Variants in ACOXL observed in about 807,000 individuals in gnomAD.
ACOXL encodes the protein acyl-CoA oxidase like.
ACOXL carries 70 observed loss-of-function variants against 71.9 expected under a neutral mutation model. The observed-to-expected ratio is 0.97, with a 90% CI of 0.80 to 1.19. The LOEUF (loss-of-function observed/expected upper bound fraction) is 1.19, where lower values mean the gene tolerates loss of function less well. Ranked by LOEUF, ACOXL falls within the 50% of genes most tolerant of loss-of-function variation. The pLI, the probability that ACOXL is intolerant of heterozygous loss-of-function variation, is 0.00. For missense variants in ACOXL, 703 were observed against 736.3 expected (o/e 0.95, Z 0.52); for synonymous variants, 253 against 281.6 (o/e 0.90, Z 1.02).
chr2:111,089,617 C>G (rs2068412928), intron 16 of ACOXL, among the ~76,000 whole-genome samples: 1 of 152,084 alleles, frequency 6.6e-6, no homozygotes. Context: ...TAAAATCATT[C>G]CCTTAGGGAT....
chr2:110,972,156 A>G (rs1257461422), intron 12 of ACOXL, among the ~76,000 whole-genome samples: 3 of 152,208 alleles, frequency 2.0e-5, no homozygotes, highest in African/African-American at 4.8e-5. Flanking sequence ...AACCATGAAC[A>G]GCAGGAACGT....
chr2:110,862,057 GCTGACATA>G (rs1275195718), intron 10 of ACOXL, among the ~76,000 whole-genome samples: 3 of 152,212 alleles, frequency 2.0e-5, no homozygotes, highest in Admixed American at 2.0e-4. Context: ...TTCTGTGGTT[GCTGACATA>G]GCTGCAATGC....
chr2:110,827,502 G>A (rs900735884), intron 9 of ACOXL, among the ~76,000 whole-genome samples: 19 of 152,198 alleles, frequency 1.2e-4, no homozygotes, highest in African/African-American at 4.6e-4. Context: ...AGGTGAGGTG[G>A]CCTTAGAGTC....
chr2:111,049,222 C>T lies in ACOXL; in HGVS notation c.1374C>T (p.Thr458=), dbSNP rs781443846. Residue 458 remains threonine (T), a synonymous_variant, in exon 16 of 18, where the codon ACC becomes ACT. Transcript: ENST00000439055. ...SLSLAHTHRV[T]LEQFSLAVKS... ...TTTCCATTTCTTCCCTTCCAGTTACCTTAGAGCAGTTCTCCCTAGCAGTGA... is the reference window on the plus strand; with the variant it reads ...TTTCCATTTCTTCCCTTCCAGTTACTTTAGAGCAGTTCTCCCTAGCAGTGA... 6.2e-7 allele frequency: 1 copy of T among 1,610,392 alleles called. No individual in the cohort carries two copies. Among genetic ancestry groups the T allele is most frequent in the East Asian group, 2.2e-5 (1 of 44,866 alleles).
At chr2:111,044,622 A>G (rs1335843925) in intron 15 of ACOXL, among the ~76,000 whole-genome samples, 1 of 152,218 alleles carries the variant, frequency 6.6e-6, no homozygotes, top group African/African-American at 2.4e-5. Context: ...CTGACCAGCA[A>G]TATTTCAAGA....
intron 10 of ACOXL, among the ~76,000 whole-genome samples, chr2:110,906,738 C>T (rs2059465815): frequency 1.3e-5 from 2 of 152,182 alleles, no homozygotes; most frequent in Non-Finnish European, 2.9e-5. Context: ...GCCCAAGGCT[C>T]TCTCTGCACG....
At chr2:110,897,823 T>C (rs1301441996) in intron 10 of ACOXL, among the ~76,000 whole-genome samples, 1 of 152,118 alleles carries the variant, frequency 6.6e-6, no homozygotes, top group East Asian at 1.9e-4. Context: ...TTGAAAAGAT[T>C]AATAAAATTG....
intron 16 of ACOXL, among the ~76,000 whole-genome samples, chr2:111,054,741 A>G (rs1353511178): frequency 6.6e-6 from 1 of 152,116 alleles, no homozygotes; most frequent in Non-Finnish European, 1.5e-5. Context: ...ACACATTTGA[A>G]TCCTCCTGGC....
At chr2:111,042,877 G>A (rs953526007) in intron 15 of ACOXL, among the ~76,000 whole-genome samples, 1 of 152,188 alleles carries the variant, frequency 6.6e-6, no homozygotes, top group African/African-American at 2.4e-5. Flanking sequence ...GATGTGACCA[G>A]CAAGCCAGAG....
intron 10 of ACOXL, among the ~76,000 whole-genome samples, chr2:110,889,190 C>T (rs187049660): frequency 1.4e-4 from 21 of 152,298 alleles, no homozygotes; most frequent in Admixed American, 1.1e-3. Flanking sequence ...ATTTACCACA[C>T]GAGTGCACAA....
intron 14 of ACOXL, among the ~76,000 whole-genome samples, chr2:111,006,180 C>G (rs2063863275): frequency 6.6e-6 from 1 of 152,216 alleles, no homozygotes; most frequent in Non-Finnish European, 1.5e-5. Context: ...TGGAGGGGCT[C>G]TCTTTGTATC....
intron 15 of ACOXL, among the ~76,000 whole-genome samples, chr2:111,043,553 C>T (rs1047492265): frequency 6.6e-6 from 1 of 152,086 alleles, no homozygotes; most frequent in Non-Finnish European, 1.5e-5. Context: ...TGTCCCACCT[C>T]GTGGTGCGGT....
chr2:110,759,667 T>C (rs189534621), intron 1 of ACOXL, among the ~76,000 whole-genome samples: 2 of 152,222 alleles, frequency 1.3e-5, no homozygotes, highest in African/African-American at 4.8e-5. Flanking sequence ...GCAAAGATCA[T>C]ACTTCCATGG....
chr2:110,808,575 C>G (rs1008145309), intron 9 of ACOXL, among the ~76,000 whole-genome samples: 1 of 152,194 alleles, frequency 6.6e-6, no homozygotes, highest in African/African-American at 2.4e-5. Flanking sequence ...TGTACCCCCT[C>G]TCTCCACTGG....
intron 12 of ACOXL, among the ~76,000 whole-genome samples, chr2:110,974,003 C>T (rs2062333680): frequency 6.6e-6 from 1 of 152,196 alleles, no homozygotes; most frequent in African/African-American, 2.4e-5. Context: ...TGCCAGGTGA[C>T]TGCCCTGCGT....
At chr2:110,946,712 G>C (rs1310916183) in intron 12 of ACOXL, among the ~76,000 whole-genome samples, 1 of 152,194 alleles carries the variant, frequency 6.6e-6, no homozygotes, top group Non-Finnish European at 1.5e-5. Flanking sequence ...CCAAGCCTCA[G>C]TTTCCAGGTG....
intron 16 of ACOXL, among the ~76,000 whole-genome samples, chr2:111,085,045 A>T (rs573422664): frequency 2.6e-5 from 4 of 152,236 alleles, no homozygotes; most frequent in Admixed American, 2.0e-4. Flanking sequence ...CTAAATGTAT[A>T]TGTACACAAC....
intron 10 of ACOXL, among the ~76,000 whole-genome samples, chr2:110,879,241 A>G (rs1696319990): frequency 6.6e-6 from 1 of 152,162 alleles, no homozygotes; most frequent in African/African-American, 2.4e-5. Flanking sequence ...ATCCAATCCC[A>G]TTGTATTGAA....
chr2:110,931,615 C>T (rs1193836694), intron 11 of ACOXL, among the ~76,000 whole-genome samples: 2 of 152,102 alleles, frequency 1.3e-5, no homozygotes, highest in Non-Finnish European at 2.9e-5. Flanking sequence ...CATGAGGGAC[C>T]TTGACTGAGG....
Sources: gnomAD v4.1 joint callset for allele counts (sites outside exome capture counted in the v4.1 genomes callset) on GRCh38, gnomAD v4.1.1 for gene constraint, MANE v1.5 for transcripts, NCBI Gene and HGNC (gene_info 2026-07-23, HGNC 2026-07-21) for gene names.